Variants in YTHDF1 observed in about 807,000 individuals in gnomAD.
YTHDF1 encodes the protein YTH domain-containing family protein 1.
Under a neutral mutation model 49.1 loss-of-function variants are expected in YTHDF1, and 16 were observed. That is an observed-to-expected ratio of 0.33 (90% confidence interval 0.22 to 0.49). The LOEUF (loss-of-function observed/expected upper bound fraction) is 0.49. Ranked by LOEUF, YTHDF1 falls within the 20% of genes least tolerant of loss-of-function variation. The pLI is 0.99. For synonymous variants in YTHDF1, 313 were observed against 290.1 expected, an observed-to-expected ratio of 1.08 and a Z score of -0.80; for missense variants, 621 against 744.3, an observed-to-expected ratio of 0.83 and a Z score of 1.93.
intron 3 of YTHDF1, among the ~76,000 whole-genome samples, chr20:63,205,055 C>T (rs749446911): frequency 2.0e-5 from 3 of 152,042 alleles, no homozygotes; most frequent in Admixed American, 6.6e-5. Context: ...CAGTCTGTGA[C>T]GCCCGTTTTT....
intron 4 of YTHDF1, among the ~76,000 whole-genome samples, chr20:63,197,255 G>A (rs1263765177): frequency 1.3e-5 from 2 of 152,162 alleles, no homozygotes; most frequent in African/African-American, 4.8e-5. Flanking sequence ...ATGAAGGGCA[G>A]GAGGACCGGT....
At position 63,213,900 on chromosome 20, in the gene YTHDF1, A is replaced by T. The variant is rs2066588035; in HGVS notation, c.96T>A (p.Asn32Lys). 5.0e-6 allele frequency: 8 copies of T among 1,587,872 alleles called. No individual in the cohort carries two copies. In the East Asian group the frequency reaches 1.9e-4, roughly 37 times the overall value. ...SLHQKDTVHD[N>K]DFEPYLTGQS... ...GTCCAGTAAGGTAGGGCTCAAAGTCATTGTCATGAACTGTATCCTTCTGAT... is the reference window on the plus strand; with the variant it reads ...GTCCAGTAAGGTAGGGCTCAAAGTCTTTGTCATGAACTGTATCCTTCTGAT... The change falls in exon 3 of 5, where the codon AAT becomes AAA. Residue 32 changes from asparagine (N) to lysine (K), a missense_variant. By Grantham distance (94) the Asn-to-Lys change is moderately conservative. Coordinates refer to ENST00000370339, the MANE Select transcript of YTHDF1 (RefSeq NM_017798.4).
intron 3 of YTHDF1, among the ~76,000 whole-genome samples, chr20:63,204,318 G>A (rs951919936): frequency 6.6e-6 from 1 of 152,190 alleles, no homozygotes; most frequent in African/African-American, 2.4e-5. Flanking sequence ...GGCCCTGGGC[G>A]CCCACCTCTG....
chr20:63,203,732 G>C lies in YTHDF1; in HGVS notation c.208C>G (p.Leu70Val). Residue 70 changes from leucine (L) to valine (V), a missense_variant, in exon 4 of 5, where the codon CTC (leucine) becomes GTC (valine). Coordinates refer to ENST00000370339, the MANE Select transcript of YTHDF1 (RefSeq NM_017798.4). This position sits in a 1 kb window ranked among gnomAD's most constrained non-coding sequence, Gnocchi z 4.4. ...GCAGTAGACCACGGAGCCTCATTGA[G>C]GGAGTAAGGAAATCCAATGGACGGC... ...YPPSIGFPYSLNEAPWSTAGD... is the reference protein window; with the variant it reads ...YPPSIGFPYSVNEAPWSTAGD... 6.2e-7 allele frequency: 1 copy of C among 1,614,160 alleles called. No individual in the cohort carries two copies.
chr20:63,215,716 C>G (rs6090310), intron 1 of YTHDF1, 115 bp from the exon 2 acceptor site: 899,740 of 1,406,082 alleles, frequency 0.64, 289,667 homozygotes, highest in East Asian at 0.87. Flanking sequence ...CCGGCCCCGA[C>G]GCGCGGTCAC....
At position 63,216,126 on chromosome 20, in the gene YTHDF1, G is replaced by T; in HGVS notation, c.-234C>A. On this transcript the variant is annotated 5_prime_UTR_variant, in exon 1 of 5. Transcript: ENST00000370339. Reference sequence around the variant, plus strand: ...CGTCGACTCCAATGGCGGCGGCGGCGGCGACAGCAGCGGCGACGGCGGCGG... The same window carrying T: ...CGTCGACTCCAATGGCGGCGGCGGCTGCGACAGCAGCGGCGACGGCGGCGG... 1 of 167,588 alleles carries T rather than the reference G, an allele frequency of 6.0e-6. No individual in the cohort carries two copies. The highest frequency in any genetic ancestry group is 2.4e-5 in the African/African-American group (1 of 41,526). The allele number at this position is 167,588 out of a possible 1,614,324, so 10.4% of individuals were successfully genotyped here. A position where few individuals can be genotyped will look rare whatever the true frequency, so the allele number is the denominator to read the frequency against.
chr20:63,211,453 G>A (rs1198019806), intron 3 of YTHDF1, among the ~76,000 whole-genome samples: 1 of 152,170 alleles, frequency 6.6e-6, no homozygotes, highest in Non-Finnish European at 1.5e-5. Flanking sequence ...AATGGAGTGA[G>A]ACCCTGTCTC....
At chr20:63,215,733 C>G (rs2066599027) in intron 1 of YTHDF1, 132 bp from the exon 2 acceptor site, 1 of 1,383,830 alleles carries the variant, frequency 7.2e-7, no homozygotes. Flanking sequence ...TCACGTGCGA[C>G]CCCGGCCCCG....
chr20:63,198,964 A>G (rs1425272114), intron 4 of YTHDF1, among the ~76,000 whole-genome samples: 1 of 152,262 alleles, frequency 6.6e-6, no homozygotes, highest in African/African-American at 2.4e-5. Flanking sequence ...CTCTGCTGCC[A>G]TAAAAGCTAC....
chr20:63,211,466 A>G (rs1168191846), intron 3 of YTHDF1, among the ~76,000 whole-genome samples: 1 of 152,192 alleles, frequency 6.6e-6, no homozygotes, highest in South Asian at 2.1e-4. Flanking sequence ...CCTGTCTCCA[A>G]CAAAAAAGGA....
At chr20:63,208,771 C>T (rs140520980) in intron 3 of YTHDF1, among the ~76,000 whole-genome samples, 112 of 152,330 alleles carry the variant, frequency 7.4e-4, no homozygotes, top group African/African-American at 2.5e-3. Context: ...CAGGTCACCC[C>T]GGGCCCACCA....
chr20:63,209,216 T>C lies in YTHDF1; in HGVS notation c.132+4648A>G, dbSNP rs530566349. Among the ~76,000 whole-genome samples the C allele has an allele frequency of 3.7e-4, 56 of 152,252 alleles. 1 individual carries two copies. The highest frequency in any genetic ancestry group is 1.0e-4 in the Non-Finnish European group (7 of 68,036). On this transcript the variant is annotated intron_variant, in intron 3 of 4. Coordinates refer to ENST00000370339, the MANE Select transcript of YTHDF1 (RefSeq NM_017798.4). Reference sequence around the variant, plus strand: ...AGAATGTGAAGGCCTGGGCCCTCACTGGACACCACTGTCACCTTTAGAAAC... The same window carrying C: ...AGAATGTGAAGGCCTGGGCCCTCACCGGACACCACTGTCACCTTTAGAAAC...
At chr20:63,209,676 C>T in intron 3 of YTHDF1, among the ~76,000 whole-genome samples, 1 of 152,160 alleles carries the variant, frequency 6.6e-6, no homozygotes, top group East Asian at 1.9e-4. Context: ...GTCATGACTG[C>T]ACTTCCGCCC....
intron 1 of YTHDF1, 77 bp downstream of exon 1, chr20:63,215,789 G>C: frequency 1.4e-6 from 2 of 1,420,060 alleles, no homozygotes; most frequent in South Asian, 1.4e-5. Flanking sequence ...CCCGGGCTCT[G>C]CGTTCCAGCC....
intron 3 of YTHDF1, among the ~76,000 whole-genome samples, chr20:63,211,100 C>G (rs1045640102): frequency 8.9e-5 from 10 of 111,800 alleles, no homozygotes; most frequent in African/African-American, 2.6e-4. Context: ...CTAAGTATGA[C>G]AGTTTCACAC....
rs550714947 is a variant in YTHDF1, at chr20:63,207,243, C to T, written c.133-3436G>A. 1.1e-4 allele frequency among the ~76,000 whole-genome samples: 17 copies of T among 151,708 alleles called. No homozygotes were observed. The South Asian group carries it at 1.9e-3, about 17-fold the overall frequency. On this transcript the variant is annotated intron_variant, in intron 3 of 4. Transcript: ENST00000370339. Reference sequence around the variant, plus strand: ...CAGCACTTTGGGAGGCTGAGGTGGACGGATCACAAGGTCAGGAGATCAAGA... The same window carrying T: ...CAGCACTTTGGGAGGCTGAGGTGGATGGATCACAAGGTCAGGAGATCAAGA...
intron 4 of YTHDF1, among the ~76,000 whole-genome samples, chr20:63,197,522 A>G (rs556638063): frequency 2.6e-5 from 4 of 152,304 alleles, no homozygotes; most frequent in African/African-American, 9.6e-5. Flanking sequence ...CAGTCTCCTT[A>G]CAAGGCAGCA....
chr20:63,204,606 C>G (rs538205134), intron 3 of YTHDF1, among the ~76,000 whole-genome samples: 2 of 152,348 alleles, frequency 1.3e-5, no homozygotes, highest in African/African-American at 4.8e-5. Flanking sequence ...GCAGCCCTCA[C>G]TCTGGATGCC....
At chr20:63,199,887 T>G (rs2066509875) in intron 4 of YTHDF1, among the ~76,000 whole-genome samples, 1 of 151,928 alleles carries the variant, frequency 6.6e-6, no homozygotes, top group Admixed American at 6.6e-5. Flanking sequence ...AGCAAGACAC[T>G]GATTCTACAA....
Sources: allele counts gnomAD v4.1 joint callset (sites outside exome capture counted in the v4.1 genomes callset), GRCh38; gene constraint gnomAD v4.1.1; non-coding constraint Gnocchi (gnomAD v3.1); transcripts MANE v1.5; gene names NCBI Gene and HGNC (gene_info 2026-07-23, HGNC 2026-07-21).